Variants in DGKI observed in about 807,000 individuals in gnomAD.
DGKI encodes DAG kinase iota.
A neutral mutation model predicts 147.5 loss-of-function variants in DGKI; 55 were observed. The ratio of observed to expected loss-of-function variants is 0.37; its 90% CI spans 0.30 to 0.47. The LOEUF (loss-of-function observed/expected upper bound fraction) is 0.47. DGKI is among the 20% of genes least tolerant of loss of function. DGKI has a pLI of 1.00. For synonymous variants in DGKI, 469 were observed against 477.1 expected (o/e 0.98, Z 0.22); for missense variants, 1,007 against 1,323.8 (o/e 0.76, Z 3.71).
At chr7:137,493,696 A>G in intron 21 of DGKI, 1 of 697,372 alleles carries the variant, frequency 1.4e-6, no homozygotes, top group Non-Finnish European at 2.6e-6. Flanking sequence ...TAGCAACTTC[A>G]AAGACTGAAG....
chr7:137,594,559 T>C (rs1819723941), intron 12 of DGKI, among the ~76,000 whole-genome samples: 1 of 152,204 alleles, frequency 6.6e-6, no homozygotes, highest in Non-Finnish European at 1.5e-5. Flanking sequence ...CTAAGCTTTG[T>C]CACTTTACTG....
chr7:137,680,650 G>A (rs1167173227), intron 2 of DGKI, among the ~76,000 whole-genome samples: 1 of 152,048 alleles, frequency 6.6e-6, no homozygotes, highest in Admixed American at 6.6e-5. Flanking sequence ...CATGGTGGCA[G>A]GCACCTGTAA....
At chr7:137,828,021 C>T (rs1798109165) in intron 1 of DGKI, among the ~76,000 whole-genome samples, 1 of 152,184 alleles carries the variant, frequency 6.6e-6, no homozygotes, top group African/African-American at 2.4e-5. Flanking sequence ...GACATAAGTG[C>T]CCTCTCTCAG....
At chr7:137,514,069 G>A (rs996378965) in intron 21 of DGKI, 21 of 559,548 alleles carry the variant, frequency 3.8e-5, no homozygotes, top group Admixed American at 1.4e-4. Context: ...GAACTTCATC[G>A]CCCTCTGATC....
intron 28 of DGKI, among the ~76,000 whole-genome samples, chr7:137,441,420 C>CTA (rs1813502300): frequency 1.5e-5 from 1 of 67,554 alleles, no homozygotes; most frequent in African/African-American, 5.1e-5. Flanking sequence ...GACTCCGTCT[C>CTA]AAAAAAAAAA....
chr7:137,801,547 C>A (rs1425769363), intron 1 of DGKI, among the ~76,000 whole-genome samples: 2 of 152,204 alleles, frequency 1.3e-5, no homozygotes, highest in Admixed American at 6.5e-5. Flanking sequence ...AGTCCTCAGT[C>A]TCACTCTCCA....
At chr7:137,744,040 A>AAAGCAGAGTAG (rs1053272630) in intron 1 of DGKI, among the ~76,000 whole-genome samples, 8 of 151,992 alleles carry the variant, frequency 5.3e-5, no homozygotes, top group Admixed American at 1.3e-4. Flanking sequence ...GAAATAACTA[A>AAAGCAGAGTAG]AAGCAGAGTA....
intron 20 of DGKI, among the ~76,000 whole-genome samples, chr7:137,532,671 G>A (rs1006380339): frequency 9.2e-5 from 14 of 152,014 alleles, no homozygotes; most frequent in African/African-American, 2.9e-4. Context: ...GTTTCTTGTC[G>A]GAAATCCAAG....
chr7:137,728,839 C>A (rs887953347), intron 1 of DGKI, among the ~76,000 whole-genome samples: 4 of 152,112 alleles, frequency 2.6e-5, no homozygotes, highest in African/African-American at 9.7e-5. Flanking sequence ...TATTCTATAT[C>A]TTCAAGGTGA....
In DGKI at chr7:137,389,120, T is replaced by C. The variant is rs1811269350; in HGVS notation, c.*2100A>G. ...ATTCCAGTTTGTGTTAAGGATTATA[T>C]TTCTGTCATCACATTTCCTTGACAG... On this transcript the variant is annotated 3_prime_UTR_variant, in exon 33 of 33. Transcript: ENST00000614521. 1 of 152,194 alleles carries C rather than the reference T, an allele frequency of 6.6e-6. No homozygotes were observed. The highest frequency in any genetic ancestry group is 1.5e-5 in the Non-Finnish European group (1 of 68,016). The allele number at this position is 152,194 out of a possible 1,614,324, so 9.4% of individuals were successfully genotyped here. A position where few individuals can be genotyped will look rare whatever the true frequency, so the allele number is the denominator to read the frequency against.
At chr7:137,470,575 A>AT (rs1814842683) in intron 23 of DGKI, among the ~76,000 whole-genome samples, 1 of 151,554 alleles carries the variant, frequency 6.6e-6, no homozygotes, top group Non-Finnish European at 1.5e-5. Context: ...TTTATATTTT[A>AT]TTTTTTGAGA....
intron 1 of DGKI, among the ~76,000 whole-genome samples, chr7:137,773,063 T>C (rs1796256108): frequency 1.3e-5 from 2 of 152,240 alleles, no homozygotes; most frequent in African/African-American, 2.4e-5. Flanking sequence ...AGTGACACTC[T>C]GTACAAGAAG....
intron 1 of DGKI, among the ~76,000 whole-genome samples, chr7:137,696,917 G>C (rs1477672608): frequency 6.6e-6 from 1 of 152,102 alleles, no homozygotes; most frequent in Non-Finnish European, 1.5e-5. Flanking sequence ...GGGGAGATTT[G>C]GACCCAGACA....
chr7:137,469,659 T>G (rs758492862), intron 23 of DGKI, 40 bp from the exon 24 acceptor site: 2 of 1,584,570 alleles, frequency 1.3e-6, no homozygotes, highest in Non-Finnish European at 1.7e-6. Context: ...TGCATTTCAA[T>G]AACCTGATGG....
At chr7:137,522,889 T>C (rs1817012168) in intron 20 of DGKI, among the ~76,000 whole-genome samples, 1 of 152,034 alleles carries the variant, frequency 6.6e-6, no homozygotes, top group Non-Finnish European at 1.5e-5. Flanking sequence ...ATACTGGGAT[T>C]TCATTGGTTG....
At chr7:137,634,603 T>C (rs1821246487) in intron 6 of DGKI, among the ~76,000 whole-genome samples, 1 of 152,158 alleles carries the variant, frequency 6.6e-6, no homozygotes, top group Non-Finnish European at 1.5e-5. Context: ...ATCTGAGATC[T>C]GGAACAAGCA....
At position 137,472,410 on chromosome 7, in the gene DGKI, T is replaced by C. The variant is rs191326661; in HGVS notation, c.2374-2791A>G. 5.6e-3 allele frequency among the ~76,000 whole-genome samples: 746 copies of C among 133,840 alleles called. 39 individuals are homozygous for C. Among genetic ancestry groups the C allele is most frequent in the African/African-American group, 0.021 (694 of 33,426 alleles). 87.8% of individuals were successfully genotyped at this position (133,840 alleles called of 152,430 possible). On this transcript the variant is annotated intron_variant, in intron 23 of 32. Transcript: ENST00000614521. ...ATACATATTATAATTATTATATGTATATATACATATACATATTATATGTAC... is the reference window on the plus strand; with the variant it reads ...ATACATATTATAATTATTATATGTACATATACATATACATATTATATGTAC...
intron 23 of DGKI, among the ~76,000 whole-genome samples, chr7:137,471,438 G>A (rs1814882604): frequency 6.6e-6 from 1 of 152,094 alleles, no homozygotes; most frequent in Non-Finnish European, 1.5e-5. Context: ...GACTTTCCTG[G>A]GAGTTAATCA....
At chr7:137,634,943 T>C (rs1422879063) in intron 6 of DGKI, among the ~76,000 whole-genome samples, 1 of 152,148 alleles carries the variant, frequency 6.6e-6, no homozygotes, top group Non-Finnish European at 1.5e-5. Context: ...ATAGAATATA[T>C]AATGATGCAC....
Sources: gnomAD v4.1 joint callset for allele counts (sites outside exome capture counted in the v4.1 genomes callset) on GRCh38, gnomAD v4.1.1 for gene constraint, MANE v1.5 for transcripts, NCBI Gene and HGNC (gene_info 2026-07-23, HGNC 2026-07-21) for gene names.